Variants in STXBP6 observed in about 807,000 individuals in gnomAD.
STXBP6 encodes the protein syntaxin-binding protein 6.
In STXBP6, 21 loss-of-function variants were observed where a neutral mutation model predicts 26.9. The ratio of observed to expected loss-of-function variants is 0.78; its 90% CI spans 0.55 to 1.12. The LOEUF is 1.12. STXBP6 is among the 50% of genes most tolerant of loss of function. The pLI is 0.00. For missense variants in STXBP6, 232 were observed against 257.9 expected (o/e 0.90, Z 0.69); for synonymous variants, 97 against 92.6 (o/e 1.05, Z -0.27).
chr14:24,975,488 C>T (rs945437376), intron 1 of STXBP6, among the ~76,000 whole-genome samples: 3 of 152,170 alleles, frequency 2.0e-5, no homozygotes, highest in Non-Finnish European at 2.9e-5. Flanking sequence ...AGTTACCATG[C>T]TCTGTACCCT....
intron 2 of STXBP6, among the ~76,000 whole-genome samples, chr14:24,865,391 CCT>C (rs374548560): frequency 9.9e-5 from 15 of 152,070 alleles, no homozygotes; most frequent in African/African-American, 3.6e-4. Flanking sequence ...TGGCAGATTC[CCT>C]GAGTTGAAGC....
chr14:24,863,036 T>G (rs1208821275), intron 2 of STXBP6, among the ~76,000 whole-genome samples: 1 of 152,190 alleles, frequency 6.6e-6, no homozygotes, highest in East Asian at 1.9e-4. Context: ...TTTTAAACCT[T>G]CTTTATTCTG....
intron 2 of STXBP6, among the ~76,000 whole-genome samples, chr14:24,917,671 A>T (rs2071817027): frequency 1.3e-5 from 2 of 152,118 alleles, no homozygotes; most frequent in Admixed American, 6.6e-5. Flanking sequence ...GACATAGATA[A>T]CAATCTTTAT....
intron 2 of STXBP6, among the ~76,000 whole-genome samples, chr14:24,897,924 CCT>C (rs2071055719): frequency 6.6e-6 from 1 of 152,098 alleles, no homozygotes; most frequent in Admixed American, 6.5e-5. Context: ...CTCCTGGTCC[CCT>C]GAGTGTAAAT....
At chr14:24,966,481 T>C (rs2073738169) in intron 2 of STXBP6, among the ~76,000 whole-genome samples, 1 of 152,060 alleles carries the variant, frequency 6.6e-6, no homozygotes, top group Non-Finnish European at 1.5e-5. Context: ...CACCTGACCC[T>C]AGGCAGTGCA....
intron 2 of STXBP6, among the ~76,000 whole-genome samples, chr14:24,910,427 CACAGAGCAT>C (rs2139714758): frequency 6.6e-6 from 1 of 152,300 alleles, no homozygotes; most frequent in African/African-American, 2.4e-5. Flanking sequence ...CAGTGACTGA[CACAGAGCAT>C]ACCCTTTAAA....
chr14:24,948,917 AG>A (rs1297465447), intron 2 of STXBP6, among the ~76,000 whole-genome samples: 3 of 152,186 alleles, frequency 2.0e-5, no homozygotes, highest in Non-Finnish European at 4.4e-5. Flanking sequence ...AGCATAAAAT[AG>A]GGAATACGAT....
chr14:25,045,300 C>A (rs76222790), intron 1 of STXBP6, among the ~76,000 whole-genome samples: 46,542 of 151,818 alleles, frequency 0.31, 7,228 homozygotes, highest in Non-Finnish European at 0.32. Flanking sequence ...TTGAGAATCT[C>A]TACAAGAGGA....
chr14:24,934,808 A>G (rs973287587), intron 2 of STXBP6, among the ~76,000 whole-genome samples: 23 of 152,294 alleles, frequency 1.5e-4, no homozygotes, highest in Non-Finnish European at 3.1e-4. Flanking sequence ...GTCACTCTCT[A>G]AAACAAAATT....
chr14:24,873,980 G>A (rs1401282456), intron 2 of STXBP6, among the ~76,000 whole-genome samples: 1 of 152,206 alleles, frequency 6.6e-6, no homozygotes, highest in Non-Finnish European at 1.5e-5. Context: ...AGATGCAAAA[G>A]CCCTTCGTTG....
At chr14:24,934,785 T>C (rs1003749021) in intron 2 of STXBP6, among the ~76,000 whole-genome samples, 2 of 152,082 alleles carry the variant, frequency 1.3e-5, no homozygotes, top group Admixed American at 6.5e-5. Context: ...AATTTGTTTA[T>C]AAAATCAATA....
intron 1 of STXBP6, among the ~76,000 whole-genome samples, chr14:24,979,121 A>C (rs1444935853): frequency 1.3e-5 from 2 of 152,252 alleles, no homozygotes; most frequent in Non-Finnish European, 2.9e-5. Flanking sequence ...GTAAGGCAAC[A>C]GTGCCATCTA....
intron 2 of STXBP6, among the ~76,000 whole-genome samples, chr14:24,928,258 C>T (rs914043024): frequency 6.6e-6 from 1 of 152,090 alleles, no homozygotes; most frequent in African/African-American, 2.4e-5. Flanking sequence ...CCCAGCACTA[C>T]CATGGAAAAA....
intron 1 of STXBP6, among the ~76,000 whole-genome samples, chr14:25,003,022 C>A (rs1000982040): frequency 1.3e-5 from 2 of 151,842 alleles, no homozygotes; most frequent in Non-Finnish European, 2.9e-5. Context: ...CCACCGCGGC[C>A]GGCCTAATGT....
intron 2 of STXBP6, among the ~76,000 whole-genome samples, chr14:24,882,706 T>C (rs1341804250): frequency 6.6e-6 from 1 of 152,214 alleles, no homozygotes; most frequent in Non-Finnish European, 1.5e-5. Context: ...CATTCATAAA[T>C]AAATTACTAA....
At chr14:24,968,648 A>G (rs2073809614) in intron 2 of STXBP6, among the ~76,000 whole-genome samples, 3 of 152,212 alleles carry the variant, frequency 2.0e-5, no homozygotes, top group South Asian at 4.1e-4. Context: ...GAAATTTGGT[A>G]TAAAACTTCC....
At chr14:24,829,246 A>G (rs1165802564) in intron 4 of STXBP6, among the ~76,000 whole-genome samples, 4 of 152,204 alleles carry the variant, frequency 2.6e-5, no homozygotes. Context: ...TATTCCTTTA[A>G]GTATTGTAAT....
chr14:24,845,054 C>A (rs1594949442), intron 4 of STXBP6, among the ~76,000 whole-genome samples: 1 of 151,864 alleles, frequency 6.6e-6, no homozygotes, highest in Non-Finnish European at 1.5e-5. Context: ...CTCTGTCGCC[C>A]AGGCTGGAAT....
At chr14:24,952,348 G>A (rs922518661) in intron 2 of STXBP6, among the ~76,000 whole-genome samples, 15 of 148,846 alleles carry the variant, frequency 1.0e-4, no homozygotes, top group Admixed American at 9.4e-4. Context: ...TTACTTAAAT[G>A]CACGTAGTTA....
Sources: allele counts gnomAD v4.1 joint callset (sites outside exome capture counted in the v4.1 genomes callset), GRCh38; gene constraint gnomAD v4.1.1; transcripts MANE v1.5; gene names NCBI Gene and HGNC (gene_info 2026-07-23, HGNC 2026-07-21).